UMAD1: variants seen among roughly 807,000 people sequenced by gnomAD.
UMAD1 encodes the protein UBAP1-MVB12-associated (UMA) domain containing 1.
Under a neutral mutation model 6.1 loss-of-function variants are expected in UMAD1, and 8 were observed. The ratio of observed to expected loss-of-function variants is 1.30; its 90% CI spans 0.76 to 2.35. The LOEUF (loss-of-function observed/expected upper bound fraction) is 2.35, where lower values mean the gene tolerates loss of function less well. Ranked by LOEUF, UMAD1 falls within the 30% of genes most tolerant of loss-of-function variation. The pLI is 0.00. For synonymous variants in UMAD1, 56 were observed against 31.4 expected (o/e 1.78, Z -2.61); for missense variants, 130 against 78.4 (o/e 1.66, Z -2.49).
At chr7:7,757,458 T>A (rs1781799510) in intron 2 of UMAD1, among the ~76,000 whole-genome samples, 1 of 152,258 alleles carries the variant, frequency 6.6e-6, no homozygotes, top group African/African-American at 2.4e-5. Context: ...GAGAGTGATC[T>A]ATAAAGTAAA....
At chr7:7,851,040 C>T (rs1783905428) in intron 3 of UMAD1, among the ~76,000 whole-genome samples, 1 of 152,076 alleles carries the variant, frequency 6.6e-6, no homozygotes, top group Admixed American at 6.5e-5. Context: ...TATATTTTTA[C>T]TTGAACATGT....
chr7:7,850,880 C>A (rs978013954), intron 3 of UMAD1, among the ~76,000 whole-genome samples: 2 of 151,880 alleles, frequency 1.3e-5, no homozygotes, highest in African/African-American at 4.8e-5. Flanking sequence ...CTTTTAAGTT[C>A]ATCTAAATAT....
At chr7:7,857,500 A>T (rs894233272) in intron 3 of UMAD1, among the ~76,000 whole-genome samples, 1 of 152,378 alleles carries the variant, frequency 6.6e-6, no homozygotes, top group Admixed American at 6.5e-5. Context: ...GAATGCAGTC[A>T]GTCCCTGTTA....
Position 7,834,279 on chromosome 7 carries a change from T to A in UMAD1, c.156+32536T>A, listed in dbSNP as rs1583860098. ...CTCAGGTGATCCACCCGCCTCAGCC[T>A]CCCAAAGTGCTGAGATTATAGGCAT... On this transcript the variant is annotated intron_variant, in intron 3 of 3. Transcript: ENST00000682710. Among the ~76,000 whole-genome samples the A allele has an allele frequency of 2.0e-5, 3 of 152,224 alleles. No individual in the cohort carries two copies. In the South Asian group the frequency reaches 6.2e-4, roughly 32 times the overall value.
At chr7:7,673,155 G>A (rs565225152) in intron 1 of UMAD1, among the ~76,000 whole-genome samples, 154 bp from the exon 2 acceptor site, 176 of 152,278 alleles carry the variant, frequency 1.2e-3, no homozygotes, top group South Asian at 5.4e-3. Flanking sequence ...TAGCTTTGTC[G>A]GCTGACATCT....
At chr7:7,862,761 T>G (rs1784137850) in intron 3 of UMAD1, among the ~76,000 whole-genome samples, 1 of 152,182 alleles carries the variant, frequency 6.6e-6, no homozygotes, top group Non-Finnish European at 1.5e-5. Context: ...GGACCTTCAC[T>G]TTCCAATCCA....
chr7:7,762,101 T>G (rs748150360), intron 2 of UMAD1, among the ~76,000 whole-genome samples: 2 of 152,190 alleles, frequency 1.3e-5, no homozygotes, highest in Admixed American at 6.5e-5. Context: ...CAGTTCCTTG[T>G]TTCGGGATGT....
At chr7:7,823,217 G>A (rs962687753) in intron 3 of UMAD1, among the ~76,000 whole-genome samples, 1 of 152,004 alleles carries the variant, frequency 6.6e-6, no homozygotes, top group African/African-American at 2.4e-5. Context: ...CATAAAGGAA[G>A]CCAAAATGTC....
intron 3 of UMAD1, among the ~76,000 whole-genome samples, chr7:7,826,990 A>T (rs1417856326): frequency 6.6e-6 from 1 of 152,144 alleles, no homozygotes; most frequent in African/African-American, 2.4e-5. Flanking sequence ...TACTTTAATG[A>T]ATTATAAGGA....
chr7:7,847,747 T>G (rs1349571970), intron 3 of UMAD1, among the ~76,000 whole-genome samples: 1 of 152,116 alleles, frequency 6.6e-6, no homozygotes, highest in Non-Finnish European at 1.5e-5. Context: ...AATGAAGCCT[T>G]GCTATGTTGC....
intron 2 of UMAD1, among the ~76,000 whole-genome samples, chr7:7,801,347 G>T (rs1782795174): frequency 6.6e-6 from 1 of 152,138 alleles, no homozygotes; most frequent in South Asian, 2.1e-4. Context: ...AACATAATTT[G>T]CCTTAAGTCA....
chr7:7,662,102 T>A (rs1785488863), intron 1 of UMAD1, among the ~76,000 whole-genome samples: 1 of 152,292 alleles, frequency 6.6e-6, no homozygotes, highest in African/African-American at 2.4e-5. Flanking sequence ...CATCTTTGTT[T>A]ACACTGTGAG....
At chr7:7,645,982 G>GCCGTA (rs1785085099) in intron 1 of UMAD1, among the ~76,000 whole-genome samples, 1 of 151,960 alleles carries the variant, frequency 6.6e-6, no homozygotes, top group Non-Finnish European at 1.5e-5. Context: ...CGGCTGCCGT[G>GCCGTA]TACTCAAACC....
At chr7:7,707,651 A>T (rs558232870) in intron 2 of UMAD1, among the ~76,000 whole-genome samples, 11 of 152,232 alleles carry the variant, frequency 7.2e-5, no homozygotes, top group Non-Finnish European at 1.5e-4. Context: ...TTTAAAAAAG[A>T]CCTCTTTAGT....
chr7:7,832,821 TG>T (rs960160926), intron 3 of UMAD1, among the ~76,000 whole-genome samples: 1 of 152,068 alleles, frequency 6.6e-6, no homozygotes, highest in African/African-American at 2.4e-5. Flanking sequence ...AGAGTGCAGG[TG>T]GGATTCAGTG....
intron 3 of UMAD1, among the ~76,000 whole-genome samples, chr7:7,872,930 A>G (rs1455179023): frequency 1.3e-5 from 2 of 152,222 alleles, no homozygotes; most frequent in East Asian, 1.9e-4. Flanking sequence ...GGAGAGGGAA[A>G]GGTATTATTT....
chr7:7,809,001 C>G (rs546726213), intron 3 of UMAD1, among the ~76,000 whole-genome samples: 107 of 152,006 alleles, frequency 7.0e-4, no homozygotes, highest in African/African-American at 2.4e-3. Flanking sequence ...CACCTTCCCC[C>G]AACTTCTGTT....
intron 3 of UMAD1, 117 bp downstream of exon 3, chr7:7,801,860 AGGGAAACAAGT>A: frequency 1.6e-6 from 1 of 636,898 alleles, no homozygotes. Flanking sequence ...GCCTGAATAC[AGGGAAACAAGT>A]GGTCTGCTGA....
intron 3 of UMAD1, among the ~76,000 whole-genome samples, chr7:7,874,044 C>T (rs904841728): frequency 2.0e-5 from 3 of 152,174 alleles, no homozygotes; most frequent in Non-Finnish European, 4.4e-5. Flanking sequence ...AACTCTTGAT[C>T]TTCCCACCCA....
Sources: allele counts gnomAD v4.1 joint callset (sites outside exome capture counted in the v4.1 genomes callset), GRCh38; gene constraint gnomAD v4.1.1; transcripts MANE v1.5; gene names NCBI Gene and HGNC (gene_info 2026-07-23, HGNC 2026-07-21).